BMP2: variants seen among roughly 807,000 people sequenced by gnomAD.
BMP2 encodes bone morphogenetic protein 2, also known as bone morphogenetic protein 2A.
BMP2 carries 2 observed loss-of-function variants against 28.8 expected under a neutral mutation model. The ratio of observed to expected loss-of-function variants is 0.07; its 90% CI spans 0.03 to 0.22. BMP2 has a LOEUF of 0.22. BMP2 is among the 10% of genes least tolerant of loss of function. The pLI, the probability that BMP2 is intolerant of heterozygous loss-of-function variation, is 1.00. For missense variants in BMP2, 437 were observed against 517.7 expected, an observed-to-expected ratio of 0.84 and a Z score of 1.51; for synonymous variants, 218 against 204.3, an observed-to-expected ratio of 1.07 and a Z score of -0.57.
chr20:6,768,323 T>G lies in BMP2; in HGVS notation c.-560T>G. On this transcript the variant is annotated 5_prime_UTR_variant, in exon 1 of 3. Transcript: ENST00000378827. ...TGGCACCGAGATCGCCGCCGTGCCC[T>G]TCCCTGGACCCGGCGTCGCCCAGGA... 1 of 396,888 alleles carries G rather than the reference T, an allele frequency of 2.5e-6. No homozygotes were observed. 24.6% of individuals were successfully genotyped at this position (396,888 alleles called of 1,614,324 possible).
intron 2 of BMP2, among the ~76,000 whole-genome samples, chr20:6,775,199 T>G: frequency 6.6e-6 from 1 of 152,208 alleles, no homozygotes. Context: ...AGGGTTGCTG[T>G]GATGATTTAT....
rs878909912 is a variant in BMP2 at position 6,778,841 on chromosome 20, G to T, written c.943G>T (p.Val315Leu). The T allele has an allele frequency of 6.2e-7, 1 of 1,614,184 alleles. No homozygotes were observed. The highest frequency in any genetic ancestry group is 1.1e-5 in the South Asian group (1 of 91,082). Reference sequence around the variant, plus strand: ...TGACGTGGGGTGGAATGACTGGATTGTGGCTCCCCCGGGGTATCACGCCTT... The same window carrying T: ...TGACGTGGGGTGGAATGACTGGATTTTGGCTCCCCCGGGGTATCACGCCTT... ...FSDVGWNDWIVAPPGYHAFYC... is the reference protein window; with the variant it reads ...FSDVGWNDWILAPPGYHAFYC... Residue 315 changes from valine (V) to leucine (L), a missense_variant, in exon 3 of 3, where the codon GTG becomes TTG. Physicochemically the swap from Val to Leu is conservative, Grantham distance 32 (BLOSUM62 1). Transcript: ENST00000378827. This position sits in a 1 kb window ranked among gnomAD's most constrained non-coding sequence, Gnocchi z 5.0.
intron 2 of BMP2, among the ~76,000 whole-genome samples, chr20:6,776,094 G>C (rs1024322331): frequency 3.9e-5 from 6 of 152,112 alleles, no homozygotes; most frequent in Admixed American, 1.3e-4. Flanking sequence ...AGAAACGTCT[G>C]AATTGCAAGG....
intron 2 of BMP2, among the ~76,000 whole-genome samples, chr20:6,776,879 G>C (rs1262678219): frequency 1.3e-5 from 2 of 152,184 alleles, no homozygotes; most frequent in Non-Finnish European, 2.9e-5. Flanking sequence ...ACTTACAGCT[G>C]TTTGTCTTTA....
rs894913430 is a variant in BMP2 at position 6,768,178 on chromosome 20, C to T, written c.-705C>T. ...CGCCTCGGCGGCCCGGGACTCGGCT[C>T]GACTCGCCGGAGAATGCGCCCGAGG... On this transcript the variant is annotated 5_prime_UTR_variant, in exon 1 of 3. Transcript: ENST00000378827. 5.0e-6 allele frequency: 2 copies of T among 398,032 alleles called. No individual in the cohort carries two copies. Among genetic ancestry groups the T allele is most frequent in the African/African-American group, 2.1e-5 (1 of 48,514 alleles). The allele number at this position is 398,032 out of a possible 1,614,324, so 24.7% of individuals were successfully genotyped here. A position where few individuals can be genotyped will look rare whatever the true frequency, so the allele number is the denominator to read the frequency against.
chr20:6,767,781 G>C lies in BMP2; in HGVS notation c.-1102G>C. On this transcript the variant is annotated 5_prime_UTR_variant, in exon 1 of 3. Transcript: ENST00000378827. ...CGCTCCGCTTCCCACACCCCGCCGG[G>C]GACTGGCAGCCGCCGCCGCACATCT... The C allele has an allele frequency of 3.6e-6, 1 of 276,700 alleles. No homozygotes were observed. Among genetic ancestry groups the C allele is most frequent in the Non-Finnish European group, 6.7e-6 (1 of 149,460 alleles). 17.1% of individuals were successfully genotyped at this position (276,700 alleles called of 1,614,324 possible).
intron 1 of BMP2, among the ~76,000 whole-genome samples, chr20:6,769,700 T>A (rs1226574769): frequency 6.6e-6 from 1 of 151,808 alleles, no homozygotes; most frequent in Admixed American, 6.6e-5. Context: ...CATTTATGTG[T>A]GTTTATATGC....
chr20:6,769,618 TG>T (rs1986345346), intron 1 of BMP2, among the ~76,000 whole-genome samples: 1 of 146,416 alleles, frequency 6.8e-6, no homozygotes, highest in Non-Finnish European at 1.5e-5. Context: ...TAAGGGTGTG[TG>T]TGTGTGTGTG....
At chr20:6,775,813 G>A (rs550449156) in intron 2 of BMP2, among the ~76,000 whole-genome samples, 78 of 152,272 alleles carry the variant, frequency 5.1e-4, no homozygotes, top group Admixed American at 1.2e-3. Context: ...GTGTGCGAGA[G>A]AGAGAATGTG....
rs896267854 is a variant in BMP2, at chr20:6,779,173, C to T, written c.*84C>T. 1 of 606,616 alleles carries T rather than the reference C, an allele frequency of 1.6e-6. No homozygotes were observed. The highest frequency in any genetic ancestry group is 2.0e-5 in the African/African-American group (1 of 51,226). 37.6% of individuals were successfully genotyped at this position (606,616 alleles called of 1,614,324 possible). On this transcript the variant is annotated 3_prime_UTR_variant, in exon 3 of 3. Coordinates refer to ENST00000378827, the MANE Select transcript of BMP2 (RefSeq NM_001200.4). Reference sequence around the variant, plus strand: ...AAACAAACAAACAAAAAAACCCCACCCCAGTTGACACTTTAATATTTCCCA... The same window carrying T: ...AAACAAACAAACAAAAAAACCCCACTCCAGTTGACACTTTAATATTTCCCA...
rs1986570555 is a variant in BMP2 at position 6,779,140 on chromosome 20, AAAG to A, written c.*54_*56del. On this transcript the variant is annotated 3_prime_UTR_variant, in exon 3 of 3. Transcript: ENST00000378827. ...TATATATATATATATATTTTAGAAAAAAGAAAAAAACAAACAAACAAAAAAACC... is the reference window on the plus strand; with the variant it reads ...TATATATATATATATATTTTAGAAAAAAAAAAACAAACAAACAAAAAAACC... 2 of 957,390 alleles carry A rather than the reference AAAG, an allele frequency of 2.1e-6. No homozygotes were observed. Among genetic ancestry groups the A allele is most frequent in the East Asian group, 7.6e-5 (2 of 26,162 alleles). 59.3% of individuals were successfully genotyped at this position (957,390 alleles called of 1,614,324 possible). A position where few individuals can be genotyped will look rare whatever the true frequency, so the allele number is the denominator to read the frequency against.
intron 2 of BMP2, among the ~76,000 whole-genome samples, chr20:6,770,853 T>C (rs912210386): frequency 2.6e-5 from 4 of 152,200 alleles, no homozygotes; most frequent in African/African-American, 9.7e-5. Context: ...TTTAAGTCTG[T>C]TTGGAAGCTT....
rs956812606 is a variant in BMP2 at position 6,772,726 on chromosome 20, T to C, written c.346+2254T>C. 7.2e-5 allele frequency among the ~76,000 whole-genome samples: 11 copies of C among 152,230 alleles called. No individual in the cohort carries two copies. The East Asian group carries it at 9.6e-4, about 13-fold the overall frequency. On this transcript the variant is annotated intron_variant, in intron 2 of 2. Coordinates refer to ENST00000378827, the MANE Select transcript of BMP2 (RefSeq NM_001200.4). ...GGTGGAATTACTCGACGAGATATCA[T>C]GATAGCATTCTTTCAACCAATATGA...
rs1986286778 is a variant in BMP2 at position 6,768,014 on chromosome 20, C to T, written c.-869C>T. The T allele has an allele frequency of 2.5e-6, 1 of 397,768 alleles. No homozygotes were observed. The highest frequency in any genetic ancestry group is 2.1e-5 in the African/African-American group (1 of 48,558). The allele number at this position is 397,768 out of a possible 1,614,324, so 24.6% of individuals were successfully genotyped here. ...GCGCCGGGGACTCCGGAGCCGATCC[C>T]TAGCGCCGCGATGCGGAGCACCTAC... On this transcript the variant is annotated 5_prime_UTR_variant, in exon 1 of 3. Transcript: ENST00000378827.
Position 6,770,139 on chromosome 20 carries a change from A to T in BMP2, c.13A>T (p.Thr5Ser), listed in dbSNP as rs1986361579. The T allele has an allele frequency of 6.4e-7, 1 of 1,550,470 alleles. No homozygotes were observed. Among genetic ancestry groups the T allele is most frequent in the African/African-American group, 1.4e-5 (1 of 73,364 alleles). Residue 5 changes from threonine (T) to serine (S), a missense_variant, in exon 2 of 3, where the codon ACC becomes TCC. Thr to Ser is a moderately conservative substitution (Grantham distance 58, BLOSUM62 1). Transcript: ENST00000378827. ...CCGCAGGTCGACCATGGTGGCCGGG[A>T]CCCGCTGTCTTCTAGCGTTGCTGCT... MVAGTRCLLALLLPQ... is the reference protein window; with the variant it reads MVAGSRCLLALLLPQ...
chr20:6,769,422 T>C (rs1241712775), intron 1 of BMP2, among the ~76,000 whole-genome samples: 3 of 152,188 alleles, frequency 2.0e-5, no homozygotes, highest in African/African-American at 7.2e-5. Flanking sequence ...TTTTAACAGC[T>C]GACACGTGCA....
At chr20:6,769,766 A>C (rs1032365153) in intron 1 of BMP2, among the ~76,000 whole-genome samples, 3 of 152,078 alleles carry the variant, frequency 2.0e-5, no homozygotes, top group Admixed American at 2.0e-4. Flanking sequence ...AGGGTGTCAG[A>C]TCAAGCGGTG....
intron 2 of BMP2, among the ~76,000 whole-genome samples, chr20:6,775,395 T>C (rs1433272660): frequency 6.6e-6 from 1 of 152,198 alleles, no homozygotes; most frequent in Non-Finnish European, 1.5e-5. Flanking sequence ...GACCTGTTTC[T>C]GCAACCAGGG....
intron 1 of BMP2, among the ~76,000 whole-genome samples, chr20:6,769,327 A>G (rs986967962): frequency 2.4e-4 from 37 of 151,896 alleles, no homozygotes; most frequent in African/African-American, 8.5e-4. Flanking sequence ...TGTCCCATTT[A>G]GGAAAGTACT....
Sources: gnomAD v4.1 joint callset for allele counts (sites outside exome capture counted in the v4.1 genomes callset) on GRCh38, gnomAD v4.1.1 for gene constraint, Gnocchi (gnomAD v3.1) non-coding constraint, MANE v1.5 for transcripts, NCBI Gene and HGNC (gene_info 2026-07-23, HGNC 2026-07-21) for gene names.